Variants in IQSEC1 observed in about 807,000 individuals in gnomAD.
The protein encoded by IQSEC1 is IQ motif and SEC7 domain-containing protein 1.
IQSEC1 carries 31 observed loss-of-function variants against 91.0 expected under a neutral mutation model. The observed-to-expected ratio is 0.34, with a 90% CI of 0.26 to 0.46. The LOEUF (loss-of-function observed/expected upper bound fraction) is 0.46. Among genes scored for constraint, IQSEC1 ranks in the 20% least tolerant of loss-of-function variants. The probability of loss-of-function intolerance (pLI) is 1.00; values close to 1 mark genes in which losing one functional copy is unlikely to be tolerated. For missense variants in IQSEC1, 1,388 were observed against 1,575.6 expected, an observed-to-expected ratio of 0.88 and a Z score of 2.02; for synonymous variants, 699 against 662.6, an observed-to-expected ratio of 1.05 and a Z score of -0.84.
In IQSEC1 at chr3:12,899,504, A is replaced by G. The variant is rs143691014; in HGVS notation, c.*1479T>C. 84 of 1,565,634 alleles carry G rather than the reference A, an allele frequency of 5.4e-5. No individual in the cohort carries two copies. The East Asian group carries it at 1.4e-3, about 27-fold the overall frequency. ...GTGCAGGTCTGGCCCTGGGGAGCGC[A>G]TGGTGTCACCACAACACAGAAGCGA... is the stretch of plus-strand genomic sequence containing the variant. On this transcript the variant is annotated 3_prime_UTR_variant, in exon 14 of 14. Transcript: ENST00000613206.
chr3:13,154,240 C>G (rs1169676689), intron 2 of IQSEC1, among the ~76,000 whole-genome samples: 1 of 150,738 alleles, frequency 6.6e-6, no homozygotes, highest in Non-Finnish European at 1.5e-5. Flanking sequence ...TGGACACCAT[C>G]ATTAGTGGGC....
At chr3:13,195,615 A>G (rs1694111399) in intron 1 of IQSEC1, among the ~76,000 whole-genome samples, 1 of 152,234 alleles carries the variant, frequency 6.6e-6, no homozygotes, top group South Asian at 2.1e-4. Flanking sequence ...AAGAAAGCCA[A>G]TCTCAAAAGG....
chr3:13,050,748 G>A (rs897738967), intron 1 of IQSEC1, among the ~76,000 whole-genome samples: 1 of 152,182 alleles, frequency 6.6e-6, no homozygotes, highest in South Asian at 2.1e-4. Context: ...GCTTAAAACA[G>A]TGCCAAGAAC....
rs1368692474 is a variant in IQSEC1, at chr3:13,008,819, C to A, written c.23+64173G>T. On this transcript the variant is annotated intron_variant, in intron 1 of 13. Coordinates refer to ENST00000613206, the MANE Select transcript of IQSEC1 (RefSeq NM_001134382.3). The surrounding 1 kb of genome is among the most constrained non-coding windows in gnomAD (Gnocchi z 4.1). Reference sequence around the variant, plus strand: ...GGGGAGCTCACAGAGGAGGGGATATCCAGCTAACCCAGTGGGAACCAGACA... The same window carrying A: ...GGGGAGCTCACAGAGGAGGGGATATACAGCTAACCCAGTGGGAACCAGACA... Among the ~76,000 whole-genome samples the A allele has an allele frequency of 6.6e-6, 1 of 152,200 alleles. No homozygotes were observed. Among genetic ancestry groups the A allele is most frequent in the Admixed American group, 6.5e-5 (1 of 15,276 alleles).
intron 1 of IQSEC1, among the ~76,000 whole-genome samples, chr3:12,958,356 G>C (rs1377445537): frequency 6.6e-6 from 1 of 152,204 alleles, no homozygotes; most frequent in Non-Finnish European, 1.5e-5. Context: ...GCAACTGTCT[G>C]GTACCCAGCA....
chr3:13,224,745 T>C (rs1285904187), intron 1 of IQSEC1, among the ~76,000 whole-genome samples: 1 of 151,660 alleles, frequency 6.6e-6, no homozygotes, highest in African/African-American at 2.4e-5. Context: ...ATGGGAGCCA[T>C]CTCCATTGTC....
intron 2 of IQSEC1, among the ~76,000 whole-genome samples, chr3:13,140,200 G>A (rs1398946793): frequency 6.6e-6 from 1 of 152,090 alleles, no homozygotes; most frequent in Non-Finnish European, 1.5e-5. Context: ...TTATCCTCAT[G>A]ACCTGCTCAA....
intron 12 of IQSEC1, among the ~76,000 whole-genome samples, chr3:12,907,516 G>A (rs1196805934): frequency 1.3e-5 from 2 of 152,196 alleles, no homozygotes; most frequent in Non-Finnish European, 1.5e-5. Context: ...ACTGTTCGGC[G>A]GAGGGCGGCT....
rs530733885 is a variant in IQSEC1, at chr3:12,942,702, T to C, written c.24-837A>G. On this transcript the variant is annotated intron_variant, in intron 1 of 13. Coordinates refer to ENST00000613206, the MANE Select transcript of IQSEC1 (RefSeq NM_001134382.3). ...GTGCTGGTGTTTGCTGTGAATGAAC[T>C]GTACCCTCCACATTTGTGTGTTGAA... Among the ~76,000 whole-genome samples the C allele has an allele frequency of 1.5e-4, 23 of 152,344 alleles. No individual in the cohort carries two copies. In the South Asian group the frequency reaches 4.8e-3, roughly 32 times the overall value.
intron 1 of IQSEC1, among the ~76,000 whole-genome samples, chr3:13,279,399 C>A (rs956870010): frequency 6.6e-6 from 1 of 152,206 alleles, no homozygotes; most frequent in Non-Finnish European, 1.5e-5. Flanking sequence ...CTGTTATCAT[C>A]CTGTTTTTCC....
intron 2 of IQSEC1, among the ~76,000 whole-genome samples, chr3:13,085,326 C>G (rs142782891): frequency 6.6e-6 from 1 of 152,030 alleles, no homozygotes; most frequent in Non-Finnish European, 1.5e-5. Flanking sequence ...GGGCAAGCAC[C>G]CTTATCAGAG....
intron 2 of IQSEC1, among the ~76,000 whole-genome samples, chr3:13,163,048 C>T (rs760969939): frequency 2.6e-5 from 4 of 152,124 alleles, no homozygotes; most frequent in Admixed American, 6.5e-5. Context: ...CTGCTTCCTG[C>T]GAGACCCTGC....
At chr3:13,048,274 C>T (rs1044679273) in intron 1 of IQSEC1, among the ~76,000 whole-genome samples, 1 of 152,216 alleles carries the variant, frequency 6.6e-6, no homozygotes, top group African/African-American at 2.4e-5. Context: ...GGCAGCACAC[C>T]TCACATTCTG....
At chr3:13,048,140 G>A (rs538866978) in intron 1 of IQSEC1, among the ~76,000 whole-genome samples, 1 of 152,286 alleles carries the variant, frequency 6.6e-6, no homozygotes, top group East Asian at 1.9e-4. Context: ...CCATAGACTT[G>A]GTGCCTGTCC....
At position 13,028,945 on chromosome 3, in the gene IQSEC1, G is replaced by A. The variant is rs201731781; in HGVS notation, c.23+44047C>T. On this transcript the variant is annotated intron_variant, in intron 1 of 13. Transcript: ENST00000613206. ...TGCGCTGGCCAAGGGATCCTCACAA[G>A]CCGTTCCTCACACCTTCTGGCCTAC... Among the ~76,000 whole-genome samples the A allele has an allele frequency of 1.9e-4, 29 of 152,276 alleles. No individual in the cohort carries two copies. In the East Asian group the frequency reaches 5.6e-3, roughly 29 times the overall value.
intron 1 of IQSEC1, among the ~76,000 whole-genome samples, chr3:13,262,128 C>T (rs1695399857): frequency 6.6e-6 from 1 of 152,144 alleles, no homozygotes; most frequent in Admixed American, 6.5e-5. Context: ...GAGTCATGAG[C>T]CGCTGGACCT....
chr3:13,221,735 C>T (rs898131967), intron 1 of IQSEC1, among the ~76,000 whole-genome samples: 1 of 152,264 alleles, frequency 6.6e-6, no homozygotes, highest in Non-Finnish European at 1.5e-5. Context: ...TCACAGAGGC[C>T]GGGCCTCCTC....
intron 2 of IQSEC1, among the ~76,000 whole-genome samples, chr3:13,129,259 T>C (rs1226880071): frequency 6.6e-6 from 1 of 152,228 alleles, no homozygotes; most frequent in African/African-American, 2.4e-5. Flanking sequence ...TTGTTGTTTA[T>C]TGGCATAAAG....
intron 2 of IQSEC1, among the ~76,000 whole-genome samples, chr3:13,137,793 C>T (rs1311085297): frequency 1.3e-5 from 2 of 152,160 alleles, no homozygotes; most frequent in African/African-American, 4.8e-5. Context: ...TGTGAACAGC[C>T]ACTGCGCTCC....
Sources: gnomAD v4.1 joint callset for allele counts (sites outside exome capture counted in the v4.1 genomes callset) on GRCh38, gnomAD v4.1.1 for gene constraint, Gnocchi (gnomAD v3.1) non-coding constraint, MANE v1.5 for transcripts, NCBI Gene and HGNC (gene_info 2026-07-23, HGNC 2026-07-21) for gene names.